The following NECTIN1 variants were observed in gnomAD, a reference collection of about 807,000 sequenced individuals.
NECTIN1 encodes the protein nectin-1.
A neutral mutation model predicts 48.0 loss-of-function variants in NECTIN1; 23 were observed. That is an observed-to-expected ratio of 0.48 (90% CI 0.34 to 0.68). NECTIN1 has a LOEUF of 0.68. Among genes scored for constraint, NECTIN1 ranks in the 30% least tolerant of loss-of-function variants. The pLI, the probability that NECTIN1 is intolerant of heterozygous loss-of-function variation, is 0.01. For missense variants in NECTIN1, 591 were observed against 709.9 expected, an observed-to-expected ratio of 0.83 and a Z score of 1.90; for synonymous variants, 270 against 288.9, an observed-to-expected ratio of 0.93 and a Z score of 0.66.
At chr11:119,654,049 T>C (rs1027063985) in intron 5 of NECTIN1, 2 of 152,196 alleles carry the variant, frequency 1.3e-5, no homozygotes, top group Admixed American at 1.3e-4. Context: ...TGCTGTGGAC[T>C]GAACTGATGG....
rs954884242 is a variant in NECTIN1, at chr11:119,683,970, C to T, written c.80-5205G>A. ...CGTCACAGACCTGCAAACGCCTGAG[C>T]TCAGCAACAAAACACAAAGACTCCT... On this transcript the variant is annotated intron_variant, in intron 1 of 5. Coordinates refer to ENST00000264025, the MANE Select transcript of NECTIN1 (RefSeq NM_002855.5). This position sits in a 1 kb window ranked among gnomAD's most constrained non-coding sequence, Gnocchi z 4.0. Among the ~76,000 whole-genome samples, 5 of 152,146 alleles carry T rather than the reference C, an allele frequency of 3.3e-5. No homozygotes were observed. Among genetic ancestry groups the T allele is most frequent in the African/African-American group, 1.2e-4 (5 of 41,442 alleles).
intron 1 of NECTIN1, among the ~76,000 whole-genome samples, chr11:119,692,909 G>A (rs985546739): frequency 4.6e-5 from 7 of 152,214 alleles, no homozygotes; most frequent in African/African-American, 1.7e-4. Context: ...AACCAGACCT[G>A]GGTGAGCAGC....
intron 1 of NECTIN1, chr11:119,713,819 A>G: frequency 2.2e-6 from 1 of 455,510 alleles, no homozygotes; most frequent in Middle Eastern, 3.7e-4. Context: ...TTAGCCTCAG[A>G]GTTCGGCGAG....
chr11:119,708,976 C>A (rs975188980), intron 1 of NECTIN1, among the ~76,000 whole-genome samples: 1 of 152,050 alleles, frequency 6.6e-6, no homozygotes, highest in African/African-American at 2.4e-5. Context: ...CTCCTCAGGA[C>A]TGCCCAGGAC....
chr11:119,690,783 T>A (rs1424427950), intron 1 of NECTIN1, among the ~76,000 whole-genome samples: 1 of 152,076 alleles, frequency 6.6e-6, no homozygotes, highest in African/African-American at 2.4e-5. Flanking sequence ...GGGTCCCACA[T>A]CACAGGATGC....
intron 4 of NECTIN1, among the ~76,000 whole-genome samples, chr11:119,676,068 G>A (rs1864943332): frequency 6.6e-6 from 1 of 151,896 alleles, no homozygotes; most frequent in Admixed American, 6.6e-5. Flanking sequence ...TCCTGAAGCA[G>A]AACCACTGGG....
At chr11:119,685,350 G>A (rs569448306) in intron 1 of NECTIN1, among the ~76,000 whole-genome samples, 1 of 152,242 alleles carries the variant, frequency 6.6e-6, no homozygotes, top group African/African-American at 2.4e-5. Flanking sequence ...CCTTGGGCGG[G>A]TGAGCACAGT....
At chr11:119,653,982 G>C (rs1463688351) in intron 5 of NECTIN1, 3 of 152,210 alleles carry the variant, frequency 2.0e-5, no homozygotes, top group Admixed American at 2.0e-4. Context: ...ATTGATCAAG[G>C]TCAGTTTGAC....
At chr11:119,660,948 G>GC, downstream of NECTIN1, 1 of 921,224 alleles carries the variant, frequency 1.1e-6, no homozygotes, top group Non-Finnish European at 1.3e-6. Flanking sequence ...CGCCTTCCCC[G>GC]CCCCCACTGC....
At chr11:119,686,894 T>C (rs1865167726) in intron 1 of NECTIN1, among the ~76,000 whole-genome samples, 1 of 152,178 alleles carries the variant, frequency 6.6e-6, no homozygotes, top group South Asian at 2.1e-4. Flanking sequence ...AGGACTTGAA[T>C]GAACCCAGTG....
At chr11:119,718,715 C>A (rs114772116) in intron 1 of NECTIN1, among the ~76,000 whole-genome samples, 1 of 152,156 alleles carries the variant, frequency 6.6e-6, no homozygotes, top group Admixed American at 6.6e-5. Context: ...ATCAGTGATG[C>A]CCAAAGACTC....
At chr11:119,715,476 C>G (rs983661578) in intron 1 of NECTIN1, among the ~76,000 whole-genome samples, 1 of 152,116 alleles carries the variant, frequency 6.6e-6, no homozygotes, top group East Asian at 1.9e-4. Flanking sequence ...CTGCCTCAGC[C>G]TCCTGAGTAG....
At position 119,672,424 on chromosome 11, in the gene NECTIN1, G is replaced by T. The variant is rs115509126; in HGVS notation, c.1003+2735C>A. ...ACCACTGGGCCCACCCCATGAAACTGCTCCTCTGTGTAAGGGCCTCTGAAA... is the reference window on the plus strand; with the variant it reads ...ACCACTGGGCCCACCCCATGAAACTTCTCCTCTGTGTAAGGGCCTCTGAAA... On this transcript the variant is annotated intron_variant, in intron 5 of 5. Transcript: ENST00000264025. This position sits in a 1 kb window ranked among gnomAD's most constrained non-coding sequence, Gnocchi z 4.3. 6.6e-6 allele frequency among the ~76,000 whole-genome samples: 1 copy of T among 152,158 alleles called. No homozygotes were observed. Among genetic ancestry groups the T allele is most frequent in the Non-Finnish European group, 1.5e-5 (1 of 68,020 alleles).
intron 1 of NECTIN1, among the ~76,000 whole-genome samples, chr11:119,704,361 T>C (rs1865511355): frequency 6.6e-6 from 1 of 152,108 alleles, no homozygotes; most frequent in Non-Finnish European, 1.5e-5. Context: ...GCTGGGATTA[T>C]AGGCACCCAC....
intron 1 of NECTIN1, among the ~76,000 whole-genome samples, chr11:119,717,732 T>C (rs531840617): frequency 1.1e-3 from 166 of 152,144 alleles, no homozygotes; most frequent in African/African-American, 3.9e-3. Context: ...GAGAGGGACA[T>C]AAAAGTGGCT....
intron 1 of NECTIN1, among the ~76,000 whole-genome samples, chr11:119,679,254 A>T (rs1212677027): frequency 6.6e-6 from 1 of 152,140 alleles, no homozygotes; most frequent in Non-Finnish European, 1.5e-5. Context: ...GGGGTGGAGA[A>T]TCCAGTCCTC....
intron 1 of NECTIN1, among the ~76,000 whole-genome samples, chr11:119,722,845 A>G (rs974226012): frequency 1.3e-5 from 2 of 152,244 alleles, no homozygotes; most frequent in African/African-American, 4.8e-5. Flanking sequence ...ATAGAAGTTC[A>G]CTTCACTGCA....
rs753817346 is a variant in NECTIN1 at position 119,672,598 on chromosome 11, G to T, written c.1003+2561C>A. 6.6e-6 allele frequency among the ~76,000 whole-genome samples: 1 copy of T among 152,150 alleles called. No individual in the cohort carries two copies. Among genetic ancestry groups the T allele is most frequent in the Non-Finnish European group, 1.5e-5 (1 of 68,014 alleles). On this transcript the variant is annotated intron_variant, in intron 5 of 5. Transcript: ENST00000264025. The surrounding 1 kb of genome is among the most constrained non-coding windows in gnomAD (Gnocchi z 4.3). ...GTGGCAGCTCCTAACGGGTGTGCCGGTGCCATCCACACAGCCCCCTGAATG... is the reference window on the plus strand; with the variant it reads ...GTGGCAGCTCCTAACGGGTGTGCCGTTGCCATCCACACAGCCCCCTGAATG...
At position 119,683,517 on chromosome 11, in the gene NECTIN1, G is replaced by T. The variant is rs755849692; in HGVS notation, c.80-4752C>A. Among the ~76,000 whole-genome samples, 3 of 151,944 alleles carry T rather than the reference G, an allele frequency of 2.0e-5. No homozygotes were observed. The highest frequency in any genetic ancestry group is 4.4e-5 in the Non-Finnish European group (3 of 68,012). ...TACTGGGGTGGCCATTGCATCTGCA[G>T]GTCACCTGACTGGGTGTCAGGTGAT... On this transcript the variant is annotated intron_variant, in intron 1 of 5. Transcript: ENST00000264025. This position sits in a 1 kb window ranked among gnomAD's most constrained non-coding sequence, Gnocchi z 4.0.
Sources: gnomAD v4.1 joint callset for allele counts (sites outside exome capture counted in the v4.1 genomes callset) on GRCh38, gnomAD v4.1.1 for gene constraint, Gnocchi (gnomAD v3.1) non-coding constraint, MANE v1.5 for transcripts, NCBI Gene and HGNC (gene_info 2026-07-23, HGNC 2026-07-21) for gene names.